Variants in COL3A1 observed in about 807,000 individuals in gnomAD.
COL3A1 encodes collagen type III alpha 1 chain.
Under a neutral mutation model 200.9 loss-of-function variants are expected in COL3A1, and 46 were observed. The observed-to-expected ratio is 0.23, with a 90% CI of 0.18 to 0.29. COL3A1 has a LOEUF of 0.29. Among genes scored for constraint, COL3A1 ranks in the 10% least tolerant of loss-of-function variants. The pLI is 1.00. For synonymous variants in COL3A1, 650 were observed against 628.0 expected (o/e 1.03, Z -0.52); for missense variants, 1,367 against 1,917.6 (o/e 0.71, Z 5.36).
chr2:188,980,597 G>T (rs1356738114), intron 1 of COL3A1, among the ~76,000 whole-genome samples: 5 of 147,946 alleles, frequency 3.4e-5, no homozygotes, highest in Non-Finnish European at 6.0e-5. Context: ...TTTTCCTGGA[G>T]GTAGCAAGAA....
chr2:188,993,287 C>A (rs1314412586), intron 15 of COL3A1, 74 bp from the exon 16 acceptor site: 13 of 1,261,390 alleles, frequency 1.0e-5, no homozygotes, highest in South Asian at 3.9e-5. Context: ...TGTGTTTAAA[C>A]AGGACTGAAG....
chr2:188,997,823 T>C (rs1311387105), intron 27 of COL3A1, 70 bp downstream of exon 27: 1 of 1,335,922 alleles, frequency 7.5e-7, no homozygotes, highest in Admixed American at 1.8e-5. Context: ...TAATAGATTA[T>C]AATTTATCTG....
chr2:188,989,968 C>G, intron 8 of COL3A1, 128 bp from the exon 9 acceptor site: 1 of 834,644 alleles, frequency 1.2e-6, no homozygotes, highest in East Asian at 2.5e-5. Flanking sequence ...CTGATCTCAA[C>G]TATACATTTT....
At chr2:189,010,551 C>G (rs1286181014) in intron 49 of COL3A1, 97 bp from the exon 50 acceptor site, 2 of 1,526,384 alleles carry the variant, frequency 1.3e-6, no homozygotes, top group East Asian at 2.3e-5. Context: ...AATATATAAA[C>G]AGCCCATATT....
At position 188,998,601 on chromosome 2, in the gene COL3A1, A is replaced by C. The variant is rs1688382506; in HGVS notation, c.1978-73A>C. ...TGCTTATATTTACATATTTGCTTAT[A>C]TTTACATATTTGCTTATATTTACAT... On this transcript the variant is annotated intron_variant, in intron 28 of 50. Coordinates refer to ENST00000304636, the MANE Select transcript of COL3A1 (RefSeq NM_000090.4). 6 of 1,427,558 alleles carry C rather than the reference A, an allele frequency of 4.2e-6. No individual in the cohort carries two copies. The South Asian group carries it at 4.7e-5, about 11-fold the overall frequency. 88.4% of individuals were successfully genotyped at this position (1,427,558 alleles called of 1,614,324 possible).
chr2:188,995,049 G>A lies in COL3A1; in HGVS notation c.1459G>A (p.Ala487Thr). The A allele has an allele frequency of 6.2e-7, 1 of 1,614,132 alleles. No individual in the cohort carries two copies. Among genetic ancestry groups the A allele is most frequent in the Non-Finnish European group, 8.5e-7 (1 of 1,179,978 alleles). Residue 487 changes from alanine to threonine, a missense_variant, in exon 21 of 51, where the codon GCC becomes ACC. Ala to Thr is a moderately conservative substitution (Grantham distance 58). Transcript: ENST00000304636. ...GLPGAAGERG[A>T]PGFRGPAGPN... Reference sequence around the variant, plus strand: ...ACTTGTCTTTCATTATTTTCAGGGTGCCCCTGGGTTCCGAGGACCTGCTGG... The same window carrying A: ...ACTTGTCTTTCATTATTTTCAGGGTACCCCTGGGTTCCGAGGACCTGCTGG...
At chr2:188,988,742 T>G in intron 7 of COL3A1, 99 bp downstream of exon 7, 1 of 798,900 alleles carries the variant, frequency 1.3e-6, no homozygotes. Flanking sequence ...GAATGAAGAT[T>G]AAATTTACCC....
At chr2:188,978,142 T>G in intron 1 of COL3A1, 1 of 257,482 alleles carries the variant, frequency 3.9e-6, no homozygotes, top group Non-Finnish European at 8.5e-6. Context: ...CTTTAAGTGA[T>G]CTAAAGGCCT....
At chr2:188,997,818 G>T in intron 27 of COL3A1, 65 bp downstream of exon 27, 1 of 1,390,310 alleles carries the variant, frequency 7.2e-7, no homozygotes, top group Non-Finnish European at 1.0e-6. Context: ...GTCCCTAATA[G>T]ATTATAATTT....
chr2:188,976,423 A>G, intron 1 of COL3A1, among the ~76,000 whole-genome samples: 1 of 152,156 alleles, frequency 6.6e-6, no homozygotes, highest in East Asian at 1.9e-4. Context: ...TAAGCTCAAA[A>G]AGAGTTGAAA....
chr2:189,001,245 T>G (rs1576469112), intron 32 of COL3A1, 152 bp from the exon 33 acceptor site: 1 of 688,990 alleles, frequency 1.5e-6, no homozygotes, highest in Non-Finnish European at 2.5e-6. Context: ...ATTTACACAT[T>G]GAGAGAAAAG....
rs1408351089 is a variant in COL3A1, at chr2:188,994,283, C to T, written c.1244C>T (p.Pro415Leu). Residue 415 changes from proline (P) to leucine (L), a missense_variant, in exon 18 of 51, where the codon CCT becomes CTT. This residue lies in a region of COL3A1 where 462 missense variants were observed against 681.4 expected (regional missense o/e 0.68). Transcript: ENST00000304636. The surrounding 1 kb of genome is among the most constrained non-coding windows in gnomAD (Gnocchi z 4.5). ...CCTGGACTGATGGGAGCCCGGGGTC[C>T]TCCAGGACCAGCCGGTGCTAATGGT... ...GAPGLMGARG[P>L]PGPAGANGAP... is the part of the protein sequence containing the mutation. 1.9e-6 allele frequency: 3 copies of T among 1,613,944 alleles called. No homozygotes were observed. The highest frequency in any genetic ancestry group is 1.7e-5 in the Admixed American group (1 of 60,028).
chr2:189,010,829 G>A lies in COL3A1; in HGVS notation c.4193G>A (p.Gly1398Asp), dbSNP rs1019046940. 6.2e-7 allele frequency: 1 copy of A among 1,614,158 alleles called. No individual in the cohort carries two copies. The highest frequency in any genetic ancestry group is 1.1e-5 in the South Asian group (1 of 91,082). Reference protein sequence around the residue: ...KALKLMGSNEGEFKAEGNSKF... With the variant: ...KALKLMGSNEDEFKAEGNSKF... ...CTGAAGCTGATGGGGTCAAATGAAG[G>A]TGAATTCAAGGCTGAAGGAAATAGC... The change falls in exon 50 of 51, where the codon GGT (glycine) becomes GAT (aspartate). Residue 1398 changes from glycine (G) to aspartate (D), a missense_variant. Around this residue, in one of 5 missense-constraint regions of COL3A1, gnomAD observed 846 missense variants for 1,147.9 expected, o/e 0.74. Coordinates refer to ENST00000304636, the MANE Select transcript of COL3A1 (RefSeq NM_000090.4).
chr2:189,008,751 T>G (rs1688651198), intron 47 of COL3A1, 173 bp from the exon 48 acceptor site: 1 of 661,672 alleles, frequency 1.5e-6, no homozygotes, highest in East Asian at 2.7e-5. Flanking sequence ...ATTGTAGTTA[T>G]TATAAATCGG....
At chr2:189,008,817 A>G in intron 47 of COL3A1, 107 bp from the exon 48 acceptor site, 5 of 1,231,042 alleles carry the variant, frequency 4.1e-6, no homozygotes, top group Non-Finnish European at 6.0e-6. Flanking sequence ...AATTCTGATG[A>G]CACAATGAAT....
intron 14 of COL3A1, 29 bp from the exon 15 acceptor site, chr2:188,992,858 G>A (rs1406574213): frequency 3.1e-6 from 5 of 1,604,270 alleles, no homozygotes; most frequent in African/African-American, 1.3e-5. Context: ...TTGAAAAAGA[G>A]CTCTTGAAAT....
chr2:188,996,058 A>G (rs1378945816), intron 22 of COL3A1, 67 bp from the exon 23 acceptor site: 2 of 1,406,460 alleles, frequency 1.4e-6, no homozygotes, highest in Non-Finnish European at 2.0e-6. Flanking sequence ...AATCATACAA[A>G]TAGTGTATGT....
At chr2:189,000,032 A>C in intron 32 of COL3A1, 137 bp downstream of exon 32, 1 of 854,366 alleles carries the variant, frequency 1.2e-6, no homozygotes, top group East Asian at 2.7e-5. Context: ...GAATGACTTG[A>C]TTTATAATGA....
rs1044612422 is a variant in COL3A1 at position 188,980,284 on chromosome 2, T to C, written c.80-4476T>C. Among the ~76,000 whole-genome samples the C allele has an allele frequency of 2.0e-5, 3 of 151,384 alleles. No homozygotes were observed. The East Asian group carries it at 5.8e-4, about 29-fold the overall frequency. On this transcript the variant is annotated intron_variant, in intron 1 of 50. Coordinates refer to ENST00000304636, the MANE Select transcript of COL3A1 (RefSeq NM_000090.4). ...ATATATGATACTTAAAATTTTCTAA[T>C]TATCTAATTATTTTTATTTTTAACA... is the stretch of plus-strand genomic sequence containing the variant.
Sources: allele counts gnomAD v4.1 joint callset (sites outside exome capture counted in the v4.1 genomes callset), GRCh38; gene constraint gnomAD v4.1.1; regional missense constraint gnomAD v4.1.1; non-coding constraint Gnocchi (gnomAD v3.1); transcripts MANE v1.5; gene names NCBI Gene and HGNC (gene_info 2026-07-23, HGNC 2026-07-21).